Variants in CAPN14 observed in about 807,000 individuals in gnomAD.
CAPN14 encodes calpain-14.
CAPN14 carries 94 observed loss-of-function variants against 101.3 expected under a neutral mutation model. That is an observed-to-expected ratio of 0.93 (90% CI 0.79 to 1.10). The LOEUF (loss-of-function observed/expected upper bound fraction) is 1.10, where lower values mean the gene tolerates loss of function less well. Ranked by LOEUF, CAPN14 falls within the 50% of genes least tolerant of loss-of-function variation. The pLI is 0.00. For missense variants in CAPN14, 837 were observed against 828.4 expected (o/e 1.01, Z -0.13); for synonymous variants, 338 against 317.9 (o/e 1.06, Z -0.67).
At chr2:31,220,624 A>G (rs1682834771), upstream of CAPN14, among the ~76,000 whole-genome samples, 1 of 152,200 alleles carries the variant, frequency 6.6e-6, no homozygotes, top group African/African-American at 2.4e-5. Flanking sequence ...GGAGACCAAC[A>G]TGACCAACAG....
rs573951824 is a variant in CAPN14 at position 31,215,653 on chromosome 2, C to G, written c.-53+1803G>C. On this transcript the variant is annotated intron_variant, in intron 1 of 21. Coordinates refer to ENST00000403897, the MANE Select transcript of CAPN14 (RefSeq NM_001145122.2). ...CTTCTCCTTGTGGGGCTTTCCTGCC[C>G]TTCACTCACACTCATGAACTGGGGA... Among the ~76,000 whole-genome samples the G allele has an allele frequency of 4.6e-5, 7 of 152,144 alleles. No individual in the cohort carries two copies. The South Asian group carries it at 1.5e-3, about 32-fold the overall frequency.
intron 5 of CAPN14, among the ~76,000 whole-genome samples, chr2:31,201,417 C>T (rs539164368): frequency 7.9e-5 from 12 of 152,322 alleles, no homozygotes; most frequent in South Asian, 4.1e-4. Flanking sequence ...GGTGGATCCC[C>T]TGCTGCTACT....
intron 21 of CAPN14, among the ~76,000 whole-genome samples, chr2:31,176,309 C>G (rs568714242): frequency 1.3e-5 from 2 of 152,366 alleles, no homozygotes; most frequent in South Asian, 4.1e-4. Flanking sequence ...GCTTGTCATA[C>G]ATATGCTGCT....
intron 1 of CAPN14, among the ~76,000 whole-genome samples, chr2:31,227,308 G>T (rs1683052777): frequency 6.6e-6 from 1 of 152,222 alleles, no homozygotes; most frequent in African/African-American, 2.4e-5. Flanking sequence ...GTATGAGACA[G>T]CCGCATTCCA....
chr2:31,219,971 C>T (rs1682813056), upstream of CAPN14, among the ~76,000 whole-genome samples: 4 of 152,318 alleles, frequency 2.6e-5, no homozygotes, highest in South Asian at 6.2e-4. Context: ...GCCTCTCCCA[C>T]AAACCTAATT....
chr2:31,216,552 C>T lies in CAPN14; in HGVS notation c.-53+904G>A, dbSNP rs553992616. On this transcript the variant is annotated intron_variant, in intron 1 of 21. Coordinates refer to ENST00000403897, the MANE Select transcript of CAPN14 (RefSeq NM_001145122.2). ...GGCCCTCACTCTTCAGCATGAGGTG[C>T]CCACTCTGTGAAATGGCCAGTACCT... Among the ~76,000 whole-genome samples the T allele has an allele frequency of 1.2e-4, 19 of 152,166 alleles. No individual in the cohort carries two copies. The South Asian group carries it at 3.9e-3, about 32-fold the overall frequency.
intron 17 of CAPN14, among the ~76,000 whole-genome samples, chr2:31,180,173 C>T (rs957991041): frequency 7.5e-6 from 1 of 132,486 alleles, no homozygotes; most frequent in Non-Finnish European, 1.5e-5. Context: ...CAGGTGAGGT[C>T]GGCATTAACT....
rs765355436 is a variant in CAPN14, at chr2:31,199,455, C to G, written c.789+15G>C. 54 of 1,550,668 alleles carry G rather than the reference C, an allele frequency of 3.5e-5. No homozygotes were observed. The African/African-American group carries it at 6.8e-4, about 20-fold the overall frequency. On this transcript the variant is annotated intron_variant, in intron 7 of 21. Transcript: ENST00000403897. The stretch of plus-strand genomic sequence containing the variant: ...CAAGGCTGAGAGGGAAACCGAAGGG[C>G]CAACCTCAACCCACCTTCCTGATTC...
chr2:31,215,075 G>A (rs1426931212), intron 1 of CAPN14, among the ~76,000 whole-genome samples: 1 of 152,104 alleles, frequency 6.6e-6, no homozygotes, highest in Non-Finnish European at 1.5e-5. Context: ...CAGCTGCCCT[G>A]CTCTGACACT....
At chr2:31,188,392 T>C in intron 13 of CAPN14, 38 bp from the exon 14 acceptor site, 1 of 1,549,422 alleles carries the variant, frequency 6.5e-7, no homozygotes, top group South Asian at 1.2e-5. Flanking sequence ...CAGAGTTTCC[T>C]CTTGGGAATT....
intron 1 of CAPN14, among the ~76,000 whole-genome samples, chr2:31,205,975 T>G (rs562180747): frequency 6.6e-6 from 1 of 152,038 alleles, no homozygotes; most frequent in South Asian, 2.1e-4. Flanking sequence ...CCTGCTTCAA[T>G]GTCCTCCTTA....
In CAPN14 at chr2:31,177,042, A is replaced by T; in HGVS notation, c.1956T>A (p.Arg652=). The T allele has an allele frequency of 6.4e-7, 1 of 1,551,312 alleles. No individual in the cohort carries two copies. The highest frequency in any genetic ancestry group is 8.7e-7 in the Non-Finnish European group (1 of 1,146,706). ...DFVSFIHLML[R]VENMEDVFQN... is the part of the protein sequence containing the mutation. Reference sequence around the variant, plus strand: ...CCAGCTTACCCTCCATGTTCTCTACACGCAGCATCAAGTGGATGAAACTGA... The same window carrying T: ...CCAGCTTACCCTCCATGTTCTCTACTCGCAGCATCAAGTGGATGAAACTGA... Residue 652 remains arginine (R), a synonymous_variant, in exon 20 of 22, where the codon CGT becomes CGA. Coordinates refer to ENST00000403897, the MANE Select transcript of CAPN14 (RefSeq NM_001145122.2).
chr2:31,221,414 A>G (rs1447123525), upstream of CAPN14, among the ~76,000 whole-genome samples: 1 of 152,118 alleles, frequency 6.6e-6, no homozygotes, highest in Non-Finnish European at 1.5e-5. Flanking sequence ...GCATTGTTTA[A>G]TGGGTCCAAA....
At chr2:31,215,043 G>A (rs895796784) in intron 1 of CAPN14, among the ~76,000 whole-genome samples, 10 of 152,116 alleles carry the variant, frequency 6.6e-5, no homozygotes, top group African/African-American at 2.4e-4. Context: ...TATGACTTCA[G>A]TGGAGTCACT....
chr2:31,189,595 A>G (rs755573939), intron 12 of CAPN14, 117 bp from the exon 13 acceptor site: 5 of 795,452 alleles, frequency 6.3e-6, no homozygotes, highest in East Asian at 2.7e-5. Flanking sequence ...GCCAAATCCA[A>G]TAGGCCCCAG....
intron 5 of CAPN14, 101 bp downstream of exon 5, chr2:31,201,761 A>G: frequency 6.6e-6 from 9 of 1,356,878 alleles, no homozygotes; most frequent in Non-Finnish European, 9.1e-6. Flanking sequence ...ATGCCTCAGG[A>G]TCTCATTTCA....
chr2:31,177,180 G>T (rs1035897005), intron 19 of CAPN14, 38 bp from the exon 20 acceptor site: 6 of 1,439,466 alleles, frequency 4.2e-6, no homozygotes, highest in South Asian at 2.5e-5. Context: ...GGTATTGGGG[G>T]CTTGCACCCA....
chr2:31,198,717 G>A (rs1363635927), intron 7 of CAPN14, among the ~76,000 whole-genome samples: 2 of 152,168 alleles, frequency 1.3e-5, no homozygotes, highest in Non-Finnish European at 2.9e-5. Flanking sequence ...TACTTGGGAA[G>A]AGTTGGGCCC....
chr2:31,199,060 G>C (rs968849100), intron 7 of CAPN14, among the ~76,000 whole-genome samples: 2 of 152,218 alleles, frequency 1.3e-5, no homozygotes, highest in African/African-American at 4.8e-5. Context: ...TGCCTGGTGT[G>C]TCTTCCTCTC....
Sources: gnomAD v4.1 joint callset for allele counts (sites outside exome capture counted in the v4.1 genomes callset) on GRCh38, gnomAD v4.1.1 for gene constraint, MANE v1.5 for transcripts, NCBI Gene and HGNC (gene_info 2026-07-23, HGNC 2026-07-21) for gene names.